The following C8B variants were observed in gnomAD, a reference collection of about 807,000 sequenced individuals.
C8B encodes the protein complement component C8 beta chain.
Under a neutral mutation model 64.6 loss-of-function variants are expected in C8B, and 67 were observed. The ratio of observed to expected loss-of-function variants is 1.04; its 90% CI spans 0.85 to 1.27. The LOEUF (loss-of-function observed/expected upper bound fraction) is 1.27. Ranked by LOEUF, C8B falls within the 50% of genes most tolerant of loss-of-function variation. The pLI is 0.00. For missense variants in C8B, 790 were observed against 725.2 expected (o/e 1.09, Z -1.03); for synonymous variants, 284 against 257.7 (o/e 1.10, Z -0.98).
At chr1:56,959,979 G>T in intron 2 of C8B, 41 bp downstream of exon 2, 4 of 1,612,102 alleles carry the variant, frequency 2.5e-6, no homozygotes, top group Non-Finnish European at 3.4e-6. Context: ...GGGGACAAAG[G>T]CTCCTGGAAG....
At chr1:56,948,540 C>T (rs1644976309) in intron 6 of C8B, among the ~76,000 whole-genome samples, 1 of 152,112 alleles carries the variant, frequency 6.6e-6, no homozygotes, top group Admixed American at 6.5e-5. Context: ...TAGGGAAGGT[C>T]TGAAGTTTAA....
chr1:56,934,332 G>A (rs535725612), intron 9 of C8B, among the ~76,000 whole-genome samples: 2 of 152,180 alleles, frequency 1.3e-5, no homozygotes, highest in South Asian at 4.2e-4. Context: ...GGATGAGAGG[G>A]TTTGGCTGTC....
chr1:56,946,762 A>G (rs1008484170), intron 6 of C8B, among the ~76,000 whole-genome samples: 3 of 152,232 alleles, frequency 2.0e-5, no homozygotes, highest in African/African-American at 7.2e-5. Flanking sequence ...AAACATCTAG[A>G]AAGTGTTAGT....
At chr1:56,934,585 T>C (rs1385444217) in intron 9 of C8B, among the ~76,000 whole-genome samples, 1 of 152,192 alleles carries the variant, frequency 6.6e-6, no homozygotes, top group African/African-American at 2.4e-5. Context: ...GAGTTTAGGG[T>C]ACGTCTAAAT....
At chr1:56,931,644 A>G in intron 11 of C8B, 166 bp downstream of exon 11, 1 of 634,270 alleles carries the variant, frequency 1.6e-6, no homozygotes, top group Non-Finnish European at 2.9e-6. Context: ...CAATCAATCC[A>G]TCAGTTATTA....
In C8B at chr1:56,943,807, C is replaced by G. The variant is rs774792617; in HGVS notation, c.1123G>C (p.Val375Leu). ...AAATCATTTTTGGCACAGGCATGGA[C>G]GTTGTTAAGAGTATAATCTGAAGAA... ...MERGDYTLNN[V>L]HACAKNDFKI... The change falls in exon 8 of 12, where the codon GTC becomes CTC. Residue 375 changes from valine to leucine, a missense_variant. Coordinates refer to ENST00000371237, the MANE Select transcript of C8B (RefSeq NM_000066.4). 6.8e-6 allele frequency: 11 copies of G among 1,613,842 alleles called. No homozygotes were observed. In the South Asian group the frequency reaches 1.1e-4, roughly 16 times the overall value.
At chr1:56,932,671 G>T (rs192613997) in intron 10 of C8B, among the ~76,000 whole-genome samples, 41 of 152,174 alleles carry the variant, frequency 2.7e-4, no homozygotes, top group African/African-American at 9.4e-4. Context: ...AGGAGCCAGA[G>T]ACATATTCCT....
chr1:56,939,189 G>A (rs1305444159), intron 9 of C8B, among the ~76,000 whole-genome samples: 1 of 152,206 alleles, frequency 6.6e-6, no homozygotes, highest in Admixed American at 6.5e-5. Context: ...ATAAAGGCTA[G>A]GGATCTATTT....
chr1:56,935,356 T>C (rs1280733946), intron 9 of C8B, among the ~76,000 whole-genome samples: 1 of 152,170 alleles, frequency 6.6e-6, no homozygotes, highest in Non-Finnish European at 1.5e-5. Context: ...GTCTTTTTTG[T>C]TCTCTCCTTT....
chr1:56,953,862 C>T (rs1645060980), intron 4 of C8B, among the ~76,000 whole-genome samples: 1 of 152,192 alleles, frequency 6.6e-6, no homozygotes, highest in Non-Finnish European at 1.5e-5. Flanking sequence ...TTTCCCGGGC[C>T]TCAGTTTCCT....
chr1:56,947,198 G>A (rs758593289), intron 6 of C8B, among the ~76,000 whole-genome samples: 3 of 152,134 alleles, frequency 2.0e-5, no homozygotes, highest in African/African-American at 4.8e-5. Context: ...TTGGCTTAAA[G>A]CAAAACCTTG....
At chr1:56,940,128 C>A (rs1644829788) in intron 9 of C8B, among the ~76,000 whole-genome samples, 1 of 151,992 alleles carries the variant, frequency 6.6e-6, no homozygotes, top group African/African-American at 2.4e-5. Context: ...AGGAATTTAG[C>A]AACTATTTGT....
intron 9 of C8B, among the ~76,000 whole-genome samples, chr1:56,940,460 C>A (rs924725114): frequency 3.3e-5 from 5 of 151,624 alleles, no homozygotes; most frequent in Non-Finnish European, 7.4e-5. Context: ...ACCCTGGCTA[C>A]TTAGGAGGTT....
At position 56,945,887 on chromosome 1, in the gene C8B, C is replaced by T. The variant is rs2101408185; in HGVS notation, c.1039G>A (p.Glu347Lys). 1.2e-6 allele frequency: 2 copies of T among 1,614,146 alleles called. No homozygotes were observed. Among genetic ancestry groups the T allele is most frequent in the East Asian group, 4.5e-5 (2 of 44,854 alleles). Residue 347 changes from glutamate to lysine, a missense_variant, in exon 7 of 12, where the codon GAG becomes AAG. Transcript: ENST00000371237. ...TCATAAATGCCCCCAAGCACAGCCT[C>T]TGTGATGTAGTGGGTCCCAAAATCA... is the stretch of plus-strand genomic sequence containing the variant. ...FRDFGTHYIT[E>K]AVLGGIYEYT...
intron 10 of C8B, among the ~76,000 whole-genome samples, chr1:56,932,519 C>T (rs931433859): frequency 1.4e-4 from 22 of 152,286 alleles, no homozygotes; most frequent in African/African-American, 5.1e-4. Flanking sequence ...AGTTCAGCAA[C>T]CCTAGATTAA....
chr1:56,960,037 G>T lies in C8B; in HGVS notation c.232C>A (p.Pro78Thr), dbSNP rs754220651. 1 of 1,614,074 alleles carries T rather than the reference G, an allele frequency of 6.2e-7. No homozygotes were observed. The highest frequency in any genetic ancestry group is 8.5e-7 in the Non-Finnish European group (1 of 1,180,002). ...SSWSSWTTCD[P>T]CQKKRYRYAY... The stretch of plus-strand genomic sequence containing the variant: ...TTGCTTACCCTTTTCTTCTGACAGG[G>T]GTCACATGTGGTCCAAGAGGACCAA... The change falls in exon 2 of 12, where the codon CCC becomes ACC. Residue 78 changes from proline to threonine, a missense_variant. Coordinates refer to ENST00000371237, the MANE Select transcript of C8B (RefSeq NM_000066.4).
At chr1:56,960,485 T>C (rs1046854046) in intron 1 of C8B, among the ~76,000 whole-genome samples, 3 of 152,306 alleles carry the variant, frequency 2.0e-5, no homozygotes, top group African/African-American at 4.8e-5. Flanking sequence ...GTGAGAAACA[T>C]GCCTCACGCC....
At chr1:56,962,110 G>C (rs890708831) in intron 1 of C8B, among the ~76,000 whole-genome samples, 1 of 152,178 alleles carries the variant, frequency 6.6e-6, no homozygotes, top group Non-Finnish European at 1.5e-5. Flanking sequence ...GACTGAGCAG[G>C]TAAGTAATGT....
chr1:56,948,702 G>A (rs966951945), intron 6 of C8B, among the ~76,000 whole-genome samples: 1 of 152,162 alleles, frequency 6.6e-6, no homozygotes, highest in Admixed American at 6.5e-5. Context: ...ATTAGACCCA[G>A]GAAGGAAGCT....
Sources: allele counts gnomAD v4.1 joint callset (sites outside exome capture counted in the v4.1 genomes callset), GRCh38; gene constraint gnomAD v4.1.1; transcripts MANE v1.5; gene names NCBI Gene and HGNC (gene_info 2026-07-23, HGNC 2026-07-21).